Variants in NECAB2 observed in about 807,000 individuals in gnomAD.
NECAB2 encodes the protein N-terminal EF-hand calcium binding protein 2.
A neutral mutation model predicts 51.9 loss-of-function variants in NECAB2; 68 were observed. The observed-to-expected ratio is 1.31, with a 90% CI of 1.08 to 1.60. The LOEUF (loss-of-function observed/expected upper bound fraction) is 1.60, where lower values mean the gene tolerates loss of function less well. Ranked by LOEUF, NECAB2 falls within the 40% of genes most tolerant of loss-of-function variation. NECAB2 has a pLI of 0.00. For missense variants in NECAB2, 854 were observed against 490.3 expected (o/e 1.74, Z -7.00); for synonymous variants, 329 against 203.5 (o/e 1.62, Z -5.25).
intron 3 of NECAB2, 79 bp downstream of exon 3, chr16:83,978,631 C>G (rs1567666485): frequency 7.9e-7 from 1 of 1,258,332 alleles, no homozygotes; most frequent in South Asian, 1.3e-5. Context: ...GTGTCCGTTC[C>G]TAGTCCCCTG....
At chr16:83,985,830 G>C (rs952931162) in intron 5 of NECAB2, among the ~76,000 whole-genome samples, 2 of 151,844 alleles carry the variant, frequency 1.3e-5, no homozygotes, top group Non-Finnish European at 1.5e-5. Flanking sequence ...CATTACATTT[G>C]TGTTTGTTTT....
chr16:84,002,551 GTGA>G lies in NECAB2; in HGVS notation c.*206_*208del. Reference sequence around the variant, plus strand: ...GCAGTGTCTGTGCTGCCAGGTCCTGGTGAAGCCCAAGGTTGAAGGGGGCGGCTT... The same window carrying G: ...GCAGTGTCTGTGCTGCCAGGTCCTGGAGCCCAAGGTTGAAGGGGGCGGCTT... On this transcript the variant is annotated 3_prime_UTR_variant, in exon 13 of 13. Transcript: ENST00000305202. 1 of 668,822 alleles carries G rather than the reference GTGA, an allele frequency of 1.5e-6. No homozygotes were observed. The allele number at this position is 668,822 out of a possible 1,614,324, so 41.4% of individuals were successfully genotyped here. A position where few individuals can be genotyped will look rare whatever the true frequency, so the allele number is the denominator to read the frequency against.
At chr16:83,999,119 A>AG (rs889720102) in intron 10 of NECAB2, among the ~76,000 whole-genome samples, 1 of 152,132 alleles carries the variant, frequency 6.6e-6, no homozygotes, top group African/African-American at 2.4e-5. Context: ...GGTCTTTGAG[A>AG]GGGGTCTTCT....
At chr16:83,975,909 T>G (rs2084403283) in intron 2 of NECAB2, among the ~76,000 whole-genome samples, 1 of 152,142 alleles carries the variant, frequency 6.6e-6, no homozygotes, top group African/African-American at 2.4e-5. Context: ...GTAGGGCATG[T>G]TTTTTCCTCA....
intron 5 of NECAB2, among the ~76,000 whole-genome samples, chr16:83,984,903 A>T (rs539036228): frequency 6.6e-6 from 1 of 152,282 alleles, no homozygotes; most frequent in Non-Finnish European, 1.5e-5. Context: ...ATTTATTTAT[A>T]GCTCCTATCA....
At chr16:83,979,857 A>T (rs2084461808) in intron 3 of NECAB2, among the ~76,000 whole-genome samples, 1 of 152,210 alleles carries the variant, frequency 6.6e-6, no homozygotes, top group African/African-American at 2.4e-5. Flanking sequence ...CACGAACATT[A>T]GCCCCTTGGG....
intron 8 of NECAB2, among the ~76,000 whole-genome samples, chr16:83,995,763 G>A (rs1861788753): frequency 6.6e-6 from 1 of 152,196 alleles, no homozygotes; most frequent in South Asian, 2.1e-4. Context: ...AGAGGCTGAC[G>A]TGGAATGAAG....
chr16:83,997,233 G>T lies in NECAB2; in HGVS notation c.813G>T (p.Leu271=). 2 of 1,614,166 alleles carry T rather than the reference G, an allele frequency of 1.2e-6. No homozygotes were observed. Among genetic ancestry groups the T allele is most frequent in the Non-Finnish European group, 1.7e-6 (2 of 1,180,030 alleles). ...TGTTTCAGGCACTGTGGTTCGACCT[G>T]CAGCAGCGCCTGTCAGATGAAGATG... The part of the protein sequence containing the change: ...RLESKALWFD[L]QQRLSDEDGT... Residue 271 remains leucine (L), a synonymous_variant, in exon 9 of 13, where the codon CTG becomes CTT. Coordinates refer to ENST00000305202, the MANE Select transcript of NECAB2 (RefSeq NM_019065.3).
chr16:83,985,775 C>A (rs1455219935), intron 5 of NECAB2, among the ~76,000 whole-genome samples: 2 of 152,074 alleles, frequency 1.3e-5, no homozygotes, highest in African/African-American at 4.8e-5. Flanking sequence ...AATTGAATGA[C>A]CAGAAAGGTT....
intron 1 of NECAB2, among the ~76,000 whole-genome samples, chr16:83,970,600 A>G (rs555766959): frequency 6.6e-6 from 1 of 152,288 alleles, no homozygotes; most frequent in East Asian, 1.9e-4. Context: ...CCCCAAGGCG[A>G]GGACAGAGGG....
At chr16:83,997,427 G>A (rs1435527882) in intron 9 of NECAB2, among the ~76,000 whole-genome samples, 158 bp downstream of exon 9, 1 of 150,212 alleles carries the variant, frequency 6.7e-6, no homozygotes, top group Non-Finnish European at 1.5e-5. Context: ...CCCTGCCCTG[G>A]CACAGGAGCC....
intron 8 of NECAB2, among the ~76,000 whole-genome samples, chr16:83,996,406 C>T (rs1033080314): frequency 2.6e-5 from 4 of 152,200 alleles, no homozygotes; most frequent in South Asian, 2.1e-4. Context: ...ACATTTAGAA[C>T]GTCACGGTGG....
intron 3 of NECAB2, among the ~76,000 whole-genome samples, chr16:83,979,283 G>A (rs986983093): frequency 6.6e-6 from 1 of 152,164 alleles, no homozygotes; most frequent in Admixed American, 6.5e-5. Flanking sequence ...CGCGTGATGA[G>A]GACCCAAGCT....
rs975852742 is a variant in NECAB2, at chr16:83,999,392, G to A, written c.962+1075G>A. ...GGGTGAAGTAGGGCCACCCCGATGC[G>A]CTGTGGAGAGGAGGCACGGTGGACG... On this transcript the variant is annotated intron_variant, in intron 10 of 12. Coordinates refer to ENST00000305202, the MANE Select transcript of NECAB2 (RefSeq NM_019065.3). Among the ~76,000 whole-genome samples, 19 of 152,294 alleles carry A rather than the reference G, an allele frequency of 1.2e-4. No homozygotes were observed. The South Asian group carries it at 2.3e-3, about 18-fold the overall frequency.
rs780465946 is a variant in NECAB2 at position 83,994,651 on chromosome 16, G to T, written c.758G>T (p.Ser253Ile). ...GAAGAGGGTCTGGAAGCCCAGATCAGCCGCTTGGCAGAGCTGATTGGGAGG... is the reference window on the plus strand; with the variant it reads ...GAAGAGGGTCTGGAAGCCCAGATCATCCGCTTGGCAGAGCTGATTGGGAGG... The part of the protein sequence containing the change: ...AKEEGLEAQI[S>I]RLAELIGRLE... The change falls in exon 8 of 13, where the codon AGC (serine) becomes ATC (isoleucine). Residue 253 changes from serine to isoleucine, a missense_variant. Coordinates refer to ENST00000305202, the MANE Select transcript of NECAB2 (RefSeq NM_019065.3). 2.4e-5 allele frequency: 39 copies of T among 1,614,038 alleles called. No homozygotes were observed. Among genetic ancestry groups the T allele is most frequent in the Non-Finnish European group, 3.1e-5 (37 of 1,180,046 alleles).
rs2084864304 is a variant in NECAB2, at chr16:84,002,726, CCAGGTAGCCACCACTGTGCCCAGG to C, written c.*382_*405del. The C allele has an allele frequency of 4.3e-6, 1 of 233,948 alleles. No individual in the cohort carries two copies. The highest frequency in any genetic ancestry group is 2.2e-5 in the African/African-American group (1 of 44,580). 14.5% of individuals were successfully genotyped at this position (233,948 alleles called of 1,614,324 possible). A position where few individuals can be genotyped will look rare whatever the true frequency, so the allele number is the denominator to read the frequency against. On this transcript the variant is annotated 3_prime_UTR_variant, in exon 13 of 13. Coordinates refer to ENST00000305202, the MANE Select transcript of NECAB2 (RefSeq NM_019065.3). ...CATGCCCCTGTAGTGCCCAACCTAG[CCAGGTAGCCACCACTGTGCCCAGG>C]CGCCAAATAAACCCTGGTTGGGAAG...
At chr16:83,977,044 T>C (rs558940571) in intron 2 of NECAB2, among the ~76,000 whole-genome samples, 85 of 152,360 alleles carry the variant, frequency 5.6e-4, no homozygotes, top group African/African-American at 2.0e-3. Context: ...TGCAATCCGC[T>C]TTCAACACAT....
chr16:83,987,089 T>A (rs2084566171), intron 5 of NECAB2, among the ~76,000 whole-genome samples: 1 of 152,114 alleles, frequency 6.6e-6, no homozygotes, highest in Non-Finnish European at 1.5e-5. Context: ...TGTAACAAGT[T>A]CTCAAATCCA....
chr16:83,984,937 C>G (rs193268170), intron 5 of NECAB2, among the ~76,000 whole-genome samples: 2 of 152,000 alleles, frequency 1.3e-5, no homozygotes, highest in East Asian at 1.9e-4. Context: ...CCTCTTATAA[C>G]TTTAGGTTTG....
Sources: allele counts gnomAD v4.1 joint callset (sites outside exome capture counted in the v4.1 genomes callset), GRCh38; gene constraint gnomAD v4.1.1; transcripts MANE v1.5; gene names NCBI Gene and HGNC (gene_info 2026-07-23, HGNC 2026-07-21).